PHF21A: variants seen among roughly 807,000 people sequenced by gnomAD.
PHF21A encodes the protein BHC80a.
Under a neutral mutation model 82.5 loss-of-function variants are expected in PHF21A, and 11 were observed. The ratio of observed to expected loss-of-function variants is 0.13; its 90% CI spans 0.08 to 0.22. The LOEUF is 0.22. PHF21A is among the 10% of genes least tolerant of loss of function. The pLI is 1.00. For missense variants in PHF21A, 579 were observed against 837.8 expected, an observed-to-expected ratio of 0.69 and a Z score of 3.81; for synonymous variants, 297 against 302.8, an observed-to-expected ratio of 0.98 and a Z score of 0.20.
Position 46,084,277 on chromosome 11 carries a change from G to C in PHF21A, c.-58C>G, listed in dbSNP as rs548466764. On this transcript the variant is annotated 5_prime_UTR_variant, in exon 4 of 19. Coordinates refer to ENST00000676320, the MANE Select transcript of PHF21A (RefSeq NM_001352027.3). ...ATAGTTTCTTCAGCCTCTGTTTAAA[G>C]TAACAAACTCCTCTTCTCACTGCAG... 5 of 1,310,774 alleles carry C rather than the reference G, an allele frequency of 3.8e-6. No homozygotes were observed. In the African/African-American group the frequency reaches 7.5e-5, roughly 20 times the overall value. 81.2% of individuals were successfully genotyped at this position (1,310,774 alleles called of 1,614,324 possible).
chr11:45,952,427 G>C (rs778976872), intron 11 of PHF21A, among the ~76,000 whole-genome samples: 2 of 152,114 alleles, frequency 1.3e-5, no homozygotes, highest in African/African-American at 2.4e-5. Flanking sequence ...ATTTTTTGCA[G>C]AAACAAGGTC....
chr11:45,951,286 A>C (rs1225196619), intron 11 of PHF21A, among the ~76,000 whole-genome samples: 1 of 152,232 alleles, frequency 6.6e-6, no homozygotes, highest in Non-Finnish European at 1.5e-5. Context: ...TTTGATCTTT[A>C]AAAGTCCTGA....
intron 6 of PHF21A, among the ~76,000 whole-genome samples, chr11:46,040,185 T>C (rs1008631823): frequency 7.2e-5 from 11 of 152,196 alleles, no homozygotes; most frequent in Non-Finnish European, 1.0e-4. Flanking sequence ...TCTACTATTA[T>C]ACTTTAGTGG....
At chr11:46,042,761 G>A (rs1481446027) in intron 6 of PHF21A, among the ~76,000 whole-genome samples, 2 of 151,984 alleles carry the variant, frequency 1.3e-5, no homozygotes, top group Admixed American at 1.3e-4. Context: ...ATGAAAGCTT[G>A]TTTTTCCCCT....
intron 3 of PHF21A, among the ~76,000 whole-genome samples, chr11:46,085,401 T>C (rs2096844825): frequency 6.6e-6 from 1 of 152,204 alleles, no homozygotes; most frequent in Non-Finnish European, 1.5e-5. Flanking sequence ...TTGACCTTCC[T>C]ATCTCCCTCA....
intron 11 of PHF21A, 142 bp from the exon 12 acceptor site, chr11:45,950,399 C>A (rs1479538814): frequency 1.1e-5 from 6 of 562,572 alleles, no homozygotes; most frequent in Non-Finnish European, 1.9e-5. Context: ...CTCTAAGCAG[C>A]CATGGAGATC....
At chr11:46,100,654 G>T (rs2097082919) in intron 1 of PHF21A, among the ~76,000 whole-genome samples, 1 of 152,122 alleles carries the variant, frequency 6.6e-6, no homozygotes, top group Non-Finnish European at 1.5e-5. Flanking sequence ...ATGCACAGGG[G>T]TTTACATGCA....
chr11:46,094,423 A>G (rs1266364848), intron 1 of PHF21A, among the ~76,000 whole-genome samples: 3 of 152,156 alleles, frequency 2.0e-5, no homozygotes, highest in South Asian at 2.1e-4. Flanking sequence ...GCTGGAGAAG[A>G]GCTTATGGGC....
At chr11:45,996,937 G>A (rs1159034331) in intron 6 of PHF21A, among the ~76,000 whole-genome samples, 1 of 152,194 alleles carries the variant, frequency 6.6e-6, no homozygotes, top group East Asian at 1.9e-4. Flanking sequence ...CATTGTAAAT[G>A]TTAGTCTATG....
intron 4 of PHF21A, among the ~76,000 whole-genome samples, chr11:46,081,821 T>G (rs552839815): frequency 1.1e-4 from 16 of 152,366 alleles, no homozygotes; most frequent in Non-Finnish European, 2.2e-4. Context: ...ACTCATTCAT[T>G]TATATATTGT....
chr11:46,029,669 C>CAAA (rs542384009), intron 6 of PHF21A, among the ~76,000 whole-genome samples: 20 of 96,838 alleles, frequency 2.1e-4, no homozygotes, highest in African/African-American at 3.7e-4. Context: ...GCCTCCGTCT[C>CAAA]AAAAAAAAAA....
intron 14 of PHF21A, among the ~76,000 whole-genome samples, chr11:45,947,522 G>C (rs989060172): frequency 6.6e-6 from 1 of 152,116 alleles, no homozygotes; most frequent in Non-Finnish European, 1.5e-5. Context: ...ATCTTTTCTA[G>C]GGAGTTCAGT....
chr11:46,013,731 T>G (rs146387328), intron 6 of PHF21A, among the ~76,000 whole-genome samples: 36 of 152,340 alleles, frequency 2.4e-4, no homozygotes, highest in African/African-American at 7.9e-4. Flanking sequence ...GCTTATGGGC[T>G]AAACCTAGGA....
chr11:46,030,933 T>C lies in PHF21A; in HGVS notation c.153+45821A>G, dbSNP rs145405707. Among the ~76,000 whole-genome samples, 1,044 of 152,020 alleles carry C rather than the reference T, an allele frequency of 6.9e-3. 10 individuals carry two copies. Among genetic ancestry groups the C allele is most frequent in the African/African-American group, 0.024 (993 of 41,444 alleles). On this transcript the variant is annotated intron_variant, in intron 6 of 18. Transcript: ENST00000676320. ...GAGACTGACCAGAGAAATTGCTGATTTTAAAACAGTAGCATCTATCAATAT... is the reference window on the plus strand; with the variant it reads ...GAGACTGACCAGAGAAATTGCTGATCTTAAAACAGTAGCATCTATCAATAT...
At chr11:46,047,404 T>C (rs2096273777) in intron 6 of PHF21A, among the ~76,000 whole-genome samples, 2 of 152,344 alleles carry the variant, frequency 1.3e-5, no homozygotes, top group Admixed American at 1.3e-4. Flanking sequence ...TTTATAATTT[T>C]TTTTTATTAG....
chr11:45,947,709 T>A (rs2091499389), intron 14 of PHF21A, among the ~76,000 whole-genome samples: 1 of 152,124 alleles, frequency 6.6e-6, no homozygotes, highest in Non-Finnish European at 1.5e-5. Context: ...GGCCAATTAT[T>A]GTGGCTTCTG....
chr11:46,061,436 G>T (rs1224277055), intron 6 of PHF21A, among the ~76,000 whole-genome samples: 1 of 152,034 alleles, frequency 6.6e-6, no homozygotes, highest in Non-Finnish European at 1.5e-5. Flanking sequence ...CATATTTAAG[G>T]CTTGTATTAT....
At chr11:45,950,073 T>A in intron 12 of PHF21A, 133 bp downstream of exon 12, 1 of 663,660 alleles carries the variant, frequency 1.5e-6, no homozygotes, top group Non-Finnish European at 2.5e-6. Context: ...CTAAAGGAAA[T>A]AAAGTCCACA....
At chr11:46,078,037 G>A (rs780046912) in intron 5 of PHF21A, among the ~76,000 whole-genome samples, 2 of 152,016 alleles carry the variant, frequency 1.3e-5, no homozygotes, top group Non-Finnish European at 2.9e-5. Context: ...TCAGCCTCCT[G>A]AGTAGCTGGC....
Sources: gnomAD v4.1 joint callset for allele counts (sites outside exome capture counted in the v4.1 genomes callset) on GRCh38, gnomAD v4.1.1 for gene constraint, MANE v1.5 for transcripts, NCBI Gene and HGNC (gene_info 2026-07-23, HGNC 2026-07-21) for gene names.